TENM3: variants seen among roughly 807,000 people sequenced by gnomAD.
TENM3 encodes the protein teneurin-3.
TENM3 carries 63 observed loss-of-function variants against 255.1 expected under a neutral mutation model. The observed-to-expected ratio is 0.25, with a 90% CI of 0.20 to 0.30. TENM3 has a LOEUF of 0.30. TENM3 is among the 10% of genes least tolerant of loss of function. The pLI is 1.00. For missense variants in TENM3, 2,929 were observed against 3,461.1 expected (o/e 0.85, Z 3.86); for synonymous variants, 1,306 against 1,322.3 (o/e 0.99, Z 0.27).
chr4:181,480,770 TATAG>T, the TENM3 span, among the ~76,000 whole-genome samples: 1 of 149,586 alleles, frequency 6.7e-6, no homozygotes, highest in Non-Finnish European at 1.5e-5. Context: ...TATAGCTATA[TATAG>T]ATATAGAGGT....
intron 3 of TENM3, among the ~76,000 whole-genome samples, chr4:182,458,868 T>C (rs1774079606): frequency 6.6e-6 from 1 of 152,192 alleles, no homozygotes; most frequent in Non-Finnish European, 1.5e-5. Flanking sequence ...AGGGAAATGG[T>C]TGTGCTATGG....
At chr4:181,866,853 C>G in the TENM3 span, among the ~76,000 whole-genome samples, 2 of 152,186 alleles carry the variant, frequency 1.3e-5, no homozygotes, top group Non-Finnish European at 2.9e-5. Context: ...ATTGCTTCCT[C>G]CCTCCTAGAT....
the TENM3 span, among the ~76,000 whole-genome samples, chr4:181,941,591 T>C: frequency 6.6e-6 from 1 of 152,214 alleles, no homozygotes; most frequent in Non-Finnish European, 1.5e-5. Flanking sequence ...ACTGAAGTTA[T>C]TTTCTCATTT....
At chr4:182,068,229 C>G in the TENM3 span, among the ~76,000 whole-genome samples, 1 of 152,000 alleles carries the variant, frequency 6.6e-6, no homozygotes, top group Admixed American at 6.5e-5. Context: ...GGATTTGGAG[C>G]CAGGAGAGTG....
chr4:181,976,629 C>T, the TENM3 span: 1 of 152,194 alleles, frequency 6.6e-6, no homozygotes, highest in African/African-American at 2.4e-5. Flanking sequence ...TGAGTGTTCA[C>T]AGGTTTGGAT....
At chr4:182,397,331 G>A (rs575823526) in intron 3 of TENM3, among the ~76,000 whole-genome samples, 29 of 148,764 alleles carry the variant, frequency 1.9e-4, no homozygotes, top group African/African-American at 6.9e-4. Context: ...AAACTGGGAG[G>A]TGGAGGGTGC....
At chr4:181,591,870 G>T in the TENM3 span, among the ~76,000 whole-genome samples, 1 of 151,930 alleles carries the variant, frequency 6.6e-6, no homozygotes. Context: ...AGTGTAGAAT[G>T]CTACACAGCA....
chr4:181,810,417 C>T, the TENM3 span, among the ~76,000 whole-genome samples: 1 of 151,904 alleles, frequency 6.6e-6, no homozygotes, highest in Non-Finnish European at 1.5e-5. Context: ...CCCCTTTCCT[C>T]TCTGTTTTAA....
At chr4:181,959,589 TCACCGGCATGCCGG>T in the TENM3 span, among the ~76,000 whole-genome samples, 1 of 152,220 alleles carries the variant, frequency 6.6e-6, no homozygotes, top group African/African-American at 2.4e-5. Flanking sequence ...GGTTAGCAGA[TCACCGGCATGCCGG>T]CACCCCACAC....
the TENM3 span, among the ~76,000 whole-genome samples, chr4:181,924,974 G>A: frequency 1.3e-5 from 2 of 152,174 alleles, no homozygotes; most frequent in Admixed American, 6.6e-5. Context: ...ATAATTATGA[G>A]GATGAATAGC....
At chr4:181,700,788 A>T in the TENM3 span, among the ~76,000 whole-genome samples, 1 of 152,218 alleles carries the variant, frequency 6.6e-6, no homozygotes, top group Admixed American at 6.5e-5. Flanking sequence ...TAAAGAAGAA[A>T]GGTATCAGGA....
chr4:182,195,858 T>A (rs554284917), intron 1 of TENM3, among the ~76,000 whole-genome samples: 16 of 152,290 alleles, frequency 1.1e-4, no homozygotes, highest in African/African-American at 3.8e-4. Context: ...AAGGAAATCA[T>A]GGCCTCCATT....
chr4:182,342,230 T>G (rs2150630121), intron 2 of TENM3, among the ~76,000 whole-genome samples: 1 of 152,320 alleles, frequency 6.6e-6, no homozygotes, highest in East Asian at 1.9e-4. Context: ...AAGATAGAGA[T>G]AACTCAAATG....
chr4:181,926,190 G>A, the TENM3 span, among the ~76,000 whole-genome samples: 1 of 152,134 alleles, frequency 6.6e-6, no homozygotes, highest in Non-Finnish European at 1.5e-5. Flanking sequence ...CTTGCGGTTA[G>A]GCATTGATCC....
the TENM3 span, among the ~76,000 whole-genome samples, chr4:181,985,005 T>C: frequency 6.6e-6 from 1 of 152,140 alleles, no homozygotes; most frequent in African/African-American, 2.4e-5. Flanking sequence ...TAGTGACGGC[T>C]GCTAATGGGA....
chr4:181,719,183 G>A, the TENM3 span, among the ~76,000 whole-genome samples: 11 of 150,430 alleles, frequency 7.3e-5, no homozygotes, highest in African/African-American at 1.2e-4. Flanking sequence ...TCCGCAGTCC[G>A]GCCTGGGCGA....
the TENM3 span, among the ~76,000 whole-genome samples, chr4:182,101,983 C>T: frequency 6.6e-6 from 1 of 152,142 alleles, no homozygotes; most frequent in African/African-American, 2.4e-5. Flanking sequence ...CCTAAGCATC[C>T]CAGAGGGAGT....
intron 1 of TENM3, among the ~76,000 whole-genome samples, chr4:182,152,890 C>G (rs1003593402): frequency 6.6e-6 from 1 of 151,670 alleles, no homozygotes. Context: ...TTTAAAAATT[C>G]TTCCCGTAAA....
chr4:181,562,735 C>T, the TENM3 span, among the ~76,000 whole-genome samples: 881 of 151,340 alleles, frequency 5.8e-3, 7 homozygotes, highest in African/African-American at 0.02. Context: ...AGAGCAGTGC[C>T]GCGATCTCAG....
Sources: allele counts gnomAD v4.1 joint callset (sites outside exome capture counted in the v4.1 genomes callset), GRCh38; gene constraint gnomAD v4.1.1; transcripts MANE v1.5; gene names NCBI Gene and HGNC (gene_info 2026-07-23, HGNC 2026-07-21).